The following LGALS16 variants were observed in gnomAD, a reference collection of about 807,000 sequenced individuals.
The protein encoded by LGALS16 is galectin 16, also known as galectin-16.
In LGALS16, 15 loss-of-function variants were observed where a neutral mutation model predicts 13.2. The observed-to-expected ratio is 1.13, with a 90% CI of 0.76 to 1.75. The LOEUF (loss-of-function observed/expected upper bound fraction) is 1.75, where lower values mean the gene tolerates loss of function less well. Among genes scored for constraint, LGALS16 ranks in the 40% most tolerant of loss-of-function variants. LGALS16 has a pLI of 0.00. For missense variants in LGALS16, 198 were observed against 178.4 expected (o/e 1.11, Z -0.63); for synonymous variants, 66 against 65.4 (o/e 1.01, Z -0.05).
chr19:39,657,165 A>G (rs1048944143), intron 1 of LGALS16, among the ~76,000 whole-genome samples: 1 of 152,134 alleles, frequency 6.6e-6, no homozygotes, highest in Non-Finnish European at 1.5e-5. Context: ...AAGAGGGGGC[A>G]GATGTGTGAG....
chr19:39,658,996 T>C (rs73048205), intron 3 of LGALS16, among the ~76,000 whole-genome samples: 30 of 152,336 alleles, frequency 2.0e-4, no homozygotes, highest in Non-Finnish European at 4.3e-4. Context: ...AAGAAAGTTT[T>C]TTCTATCAAT....
Position 39,658,453 on chromosome 19 carries a change from C to T in LGALS16, c.93-7C>T, listed in dbSNP as rs1973220349. ...CCTGTCCAATATGCTGTGTGCTTTG[C>T]CCTCAGCAACGAACCACAGCTGCAG... On this transcript the variant is annotated splice_region_variant and splice_polypyrimidine_tract_variant and intron_variant, in intron 2 of 3. Transcript: ENST00000392051. The T allele has an allele frequency of 3.1e-6, 5 of 1,588,356 alleles. No homozygotes were observed. The highest frequency in any genetic ancestry group is 4.3e-6 in the Non-Finnish European group (5 of 1,170,398).
chr19:39,658,653 T>C lies in LGALS16; in HGVS notation c.286T>C (p.Cys96Arg). 6.3e-7 allele frequency: 1 copy of C among 1,582,142 alleles called. No individual in the cohort carries two copies. Among genetic ancestry groups the C allele is most frequent in the Non-Finnish European group, 8.6e-7 (1 of 1,167,956 alleles). Residue 96 changes from cysteine (C) to arginine (R), a missense_variant, in exon 3 of 4, where the codon TGT (cysteine) becomes CGT (arginine). Coordinates refer to ENST00000392051, the MANE Select transcript of LGALS16 (RefSeq NM_001190441.3). ...GKPFDLRIYV[C>R]HNEYEVKVNG... ...ACCATTTGACTTGCGCATCTACGTGTGTCACAATGAGTATGAGGTGAGCAC... is the reference window on the plus strand; with the variant it reads ...ACCATTTGACTTGCGCATCTACGTGCGTCACAATGAGTATGAGGTGAGCAC...
chr19:39,657,110 AT>A (rs1304380518), intron 1 of LGALS16, among the ~76,000 whole-genome samples: 1 of 152,110 alleles, frequency 6.6e-6, no homozygotes, highest in Non-Finnish European at 1.5e-5. Context: ...AAAACTTTAA[AT>A]ATCAGACTGC....
At chr19:39,656,734 G>A (rs1973199086) in intron 1 of LGALS16, among the ~76,000 whole-genome samples, 1 of 152,046 alleles carries the variant, frequency 6.6e-6, no homozygotes, top group African/African-American at 2.4e-5. Context: ...GGTCTGCACA[G>A]AGTGACCACT....
Position 39,657,939 on chromosome 19 carries a change from G to A in LGALS16, c.72G>A (p.Gly24=), listed in dbSNP as rs755439230. Residue 24 remains glycine, a synonymous_variant, in exon 2 of 4, where the codon GGG becomes GGA. Coordinates refer to ENST00000392051, the MANE Select transcript of LGALS16 (RefSeq NM_001190441.3). ...TTGGTTCCTGCGTGATAATCAAAGG[G>A]ACACTGATCGACTCTTCTATGTGAG... The part of the protein sequence containing the change: ...LSVGSCVIIK[G]TLIDSSINEP... The A allele has an allele frequency of 6.2e-7, 1 of 1,613,996 alleles. No homozygotes were observed. The highest frequency in any genetic ancestry group is 8.5e-7 in the Non-Finnish European group (1 of 1,179,994).
At chr19:39,658,052 T>G in intron 2 of LGALS16, 93 bp downstream of exon 2, 2 of 1,469,134 alleles carry the variant, frequency 1.4e-6, no homozygotes, top group Non-Finnish European at 1.9e-6. Flanking sequence ...TGGAAATGTC[T>G]AATTGGCAGG....
Position 39,655,932 on chromosome 19 carries a change from A to G in LGALS16, c.-30A>G. The G allele has an allele frequency of 1.2e-6, 2 of 1,613,350 alleles. No individual in the cohort carries two copies. The highest frequency in any genetic ancestry group is 2.2e-5 in the South Asian group (2 of 91,052). On this transcript the variant is annotated 5_prime_UTR_variant, in exon 1 of 4. Coordinates refer to ENST00000392051, the MANE Select transcript of LGALS16 (RefSeq NM_001190441.3). ...AGATTCACTCAGAAGACTGGACACA[A>G]TTCCGAAGGTCGCCCAGAAGGAGAG...
Position 39,660,344 on chromosome 19 carries a change from A to T in LGALS16, c.304-51A>T. The T allele has an allele frequency of 2.6e-6, 4 of 1,535,036 alleles. No individual in the cohort carries two copies. The South Asian group carries it at 4.8e-5, about 18-fold the overall frequency. ...CTAGGGCAGAGTAGAGAAGAGGCTG[A>T]AAACTTGTTGGGTGGCATACTGTCT... is the stretch of plus-strand genomic sequence containing the variant. On this transcript the variant is annotated intron_variant, in intron 3 of 3. Transcript: ENST00000392051.
At position 39,658,522 on chromosome 19, in the gene LGALS16, TC is replaced by T. The variant is rs774308933; in HGVS notation, c.157del (p.His53IlefsTer6). 6.2e-7 allele frequency: 1 copy of T among 1,607,618 alleles called. No homozygotes were observed. Among genetic ancestry groups the T allele is most frequent in the South Asian group, 1.1e-5 (1 of 90,632 alleles). ...TEMNEDSEIA[F>X]HLRVHLGRRV... is the part of the protein sequence containing the mutation. Reference sequence around the variant, plus strand: ...ATGAATGAGGACTCAGAAATTGCCTTCCATTTGCGAGTGCACTTAGGCCGTC... The same window carrying T: ...ATGAATGAGGACTCAGAAATTGCCTTCATTTGCGAGTGCACTTAGGCCGTC... On this transcript the variant is annotated frameshift_variant, in exon 3 of 4. Transcript: ENST00000392051. LOFTEE classifies it high-confidence loss of function.
At chr19:39,657,814 G>A (rs1198762225) in intron 1 of LGALS16, 69 bp from the exon 2 acceptor site, 2 of 1,538,612 alleles carry the variant, frequency 1.3e-6, no homozygotes, top group Middle Eastern at 1.7e-4. Flanking sequence ...CTGCACCATG[G>A]GAATATGTTA....
intron 2 of LGALS16, among the ~76,000 whole-genome samples, chr19:39,658,238 C>T (rs191402097): frequency 1.3e-4 from 20 of 152,206 alleles, no homozygotes; most frequent in Non-Finnish European, 2.5e-4. Flanking sequence ...AGTCACAGGC[C>T]CAGGTCAGTG....
At position 39,658,604 on chromosome 19, in the gene LGALS16, C is replaced by T; in HGVS notation, c.237C>T (p.His79=). ...TATGGATGTTGGAGGAGAATTTACACTATGTGCCCTTTGAGGATGGCAAAC... is the reference window on the plus strand; with the variant it reads ...TATGGATGTTGGAGGAGAATTTACATTATGTGCCCTTTGAGGATGGCAAAC... ...FGIWMLEENL[H]YVPFEDGKPF... is the part of the protein sequence containing the mutation. Residue 79 remains histidine, a synonymous_variant, in exon 3 of 4, where the codon CAC becomes CAT. Transcript: ENST00000392051. 1.2e-6 allele frequency: 2 copies of T among 1,606,104 alleles called. No individual in the cohort carries two copies. Among genetic ancestry groups the T allele is most frequent in the Non-Finnish European group, 1.7e-6 (2 of 1,178,234 alleles).
chr19:39,658,627 A>G lies in LGALS16; in HGVS notation c.260A>G (p.Lys87Arg). 5 of 1,600,498 alleles carry G rather than the reference A, an allele frequency of 3.1e-6. No individual in the cohort carries two copies. The highest frequency in any genetic ancestry group is 4.3e-6 in the Non-Finnish European group (5 of 1,176,228). ...CACTATGTGCCCTTTGAGGATGGCA[A>G]ACCATTTGACTTGCGCATCTACGTG... is the stretch of plus-strand genomic sequence containing the variant. ...NLHYVPFEDG[K>R]PFDLRIYVCH... is the part of the protein sequence containing the mutation. Residue 87 changes from lysine (K) to arginine (R), a missense_variant, in exon 3 of 4, where the codon AAA becomes AGA. Coordinates refer to ENST00000392051, the MANE Select transcript of LGALS16 (RefSeq NM_001190441.3).
At chr19:39,659,663 T>C (rs149931127) in intron 3 of LGALS16, among the ~76,000 whole-genome samples, 60 of 152,344 alleles carry the variant, frequency 3.9e-4, no homozygotes, top group African/African-American at 1.3e-3. Flanking sequence ...TACATTGCGA[T>C]ATAATTACAA....
rs748468958 is a variant in LGALS16, at chr19:39,660,434, C to T, written c.343C>T (p.Arg115Ter). Residue 115 changes from arginine (R) to a stop codon, truncating the protein, a stop_gained, in exon 4 of 4, where the codon CGA (arginine) becomes TGA (stop). Transcript: ENST00000392051. LOFTEE classifies it low-confidence loss of function (END_TRUNC). ...TGAATACATTTATGCCTTTGTCCAT[C>T]GAATCCCGCCATCATATGTGAAGAT... ...NGEYIYAFVH[R>*]IPPSYVKMIQ... is the part of the protein sequence containing the mutation. The T allele has an allele frequency of 9.1e-6, 14 of 1,541,096 alleles. No homozygotes were observed. In the South Asian group the frequency reaches 1.5e-4, roughly 17 times the overall value.
At chr19:39,658,089 C>T (rs758642081) in intron 2 of LGALS16, 130 bp downstream of exon 2, 1 of 1,072,140 alleles carries the variant, frequency 9.3e-7, no homozygotes, top group African/African-American at 1.5e-5. Context: ...GGTGCAGGTC[C>T]TGGAGACCCT....
chr19:39,656,468 C>G (rs958550318), intron 1 of LGALS16, among the ~76,000 whole-genome samples: 1 of 152,088 alleles, frequency 6.6e-6, no homozygotes, highest in Non-Finnish European at 1.5e-5. Flanking sequence ...GAAGGGAAAA[C>G]ACGCATGTGG....
Position 39,655,996 on chromosome 19 carries a change from C to T in LGALS16, c.15+20C>T. Reference sequence around the variant, plus strand: ...CTAACTGTGAGTTGAAAAGGCACAGCCTTCAATAATCTCAAGTCACACAAA... The same window carrying T: ...CTAACTGTGAGTTGAAAAGGCACAGTCTTCAATAATCTCAAGTCACACAAA... On this transcript the variant is annotated intron_variant, in intron 1 of 3. Transcript: ENST00000392051. 2.5e-6 allele frequency: 4 copies of T among 1,611,970 alleles called. No homozygotes were observed. The highest frequency in any genetic ancestry group is 3.4e-6 in the Non-Finnish European group (4 of 1,178,750).
Sources: gnomAD v4.1 joint callset for allele counts (sites outside exome capture counted in the v4.1 genomes callset) on GRCh38, gnomAD v4.1.1 for gene constraint, MANE v1.5 for transcripts, NCBI Gene and HGNC (gene_info 2026-07-23, HGNC 2026-07-21) for gene names.